Variants in OPCML observed in about 807,000 individuals in gnomAD.
OPCML encodes the protein opioid-binding protein/cell adhesion molecule.
In OPCML, 13 loss-of-function variants were observed where a neutral mutation model predicts 37.8. The observed-to-expected ratio is 0.34, with a 90% CI of 0.22 to 0.55. The LOEUF (loss-of-function observed/expected upper bound fraction) is 0.55. Ranked by LOEUF, OPCML falls within the 20% of genes least tolerant of loss-of-function variation. The probability of loss-of-function intolerance (pLI) is 0.91; values close to 1 mark genes in which losing one functional copy is unlikely to be tolerated. For missense variants in OPCML, 341 were observed against 435.6 expected (o/e 0.78, Z 1.93); for synonymous variants, 176 against 168.8 (o/e 1.04, Z -0.33).
intron 3 of OPCML, among the ~76,000 whole-genome samples, chr11:132,556,494 G>A (rs752142780): frequency 3.3e-5 from 5 of 152,110 alleles, no homozygotes; most frequent in African/African-American, 7.2e-5. Context: ...GGAAATTGGG[G>A]TCCAGAGAGA....
intron 1 of OPCML, among the ~76,000 whole-genome samples, chr11:133,313,993 TG>T (rs1339332815): frequency 6.6e-6 from 1 of 152,078 alleles, no homozygotes; most frequent in Non-Finnish European, 1.5e-5. Context: ...CCCAGCACTT[TG>T]GGAGGCCGAG....
At chr11:132,472,749 C>T (rs1470642140) in intron 4 of OPCML, among the ~76,000 whole-genome samples, 1 of 152,222 alleles carries the variant, frequency 6.6e-6, no homozygotes, top group East Asian at 1.9e-4. Context: ...CTGGGACCCA[C>T]AGTCCCCAGC....
chr11:133,521,617 C>A (rs565937023), intron 1 of OPCML, among the ~76,000 whole-genome samples: 1 of 152,306 alleles, frequency 6.6e-6, no homozygotes, highest in African/African-American at 2.4e-5. Context: ...TGGGCTTCAC[C>A]CAAAGAGGCA....
intron 4 of OPCML, among the ~76,000 whole-genome samples, chr11:132,449,287 ATTCTT>A (rs2096062916): frequency 6.6e-6 from 1 of 152,178 alleles, no homozygotes; most frequent in Admixed American, 6.5e-5. Flanking sequence ...GGGGAAATTA[ATTCTT>A]TCCTTTCCTT....
intron 4 of OPCML, among the ~76,000 whole-genome samples, chr11:132,527,008 A>T (rs2096310292): frequency 6.6e-6 from 1 of 152,144 alleles, no homozygotes; most frequent in Non-Finnish European, 1.5e-5. Flanking sequence ...TTTTTAGCTT[A>T]ACTTCCTCAG....
At chr11:132,948,796 T>C (rs1338062980) in intron 1 of OPCML, among the ~76,000 whole-genome samples, 1 of 152,218 alleles carries the variant, frequency 6.6e-6, no homozygotes, top group African/African-American at 2.4e-5. Flanking sequence ...AACTCCCATT[T>C]TCACATGATA....
chr11:133,481,581 G>A (rs944486173), intron 1 of OPCML, among the ~76,000 whole-genome samples: 1 of 152,188 alleles, frequency 6.6e-6, no homozygotes, highest in Non-Finnish European at 1.5e-5. Flanking sequence ...AAAAGATCAT[G>A]TATCTTAAAT....
chr11:132,948,067 C>T (rs1442733069), intron 1 of OPCML, among the ~76,000 whole-genome samples: 1 of 152,212 alleles, frequency 6.6e-6, no homozygotes, highest in African/African-American at 2.4e-5. Context: ...TCTCTAGCTG[C>T]CTGGCTGGTA....
intron 4 of OPCML, among the ~76,000 whole-genome samples, chr11:132,517,384 A>G (rs866343475): frequency 1.3e-5 from 2 of 152,206 alleles, no homozygotes; most frequent in African/African-American, 2.4e-5. Flanking sequence ...GTGCTCATCC[A>G]GGAGGGAAGG....
At chr11:132,643,237 G>T (rs1180657110) in intron 3 of OPCML, among the ~76,000 whole-genome samples, 3 of 152,148 alleles carry the variant, frequency 2.0e-5, no homozygotes, top group African/African-American at 4.8e-5. Context: ...AGACAATGCC[G>T]CTGCACTCCA....
At chr11:132,805,236 G>A (rs564603541) in intron 2 of OPCML, among the ~76,000 whole-genome samples, 65 of 152,168 alleles carry the variant, frequency 4.3e-4, no homozygotes, top group African/African-American at 1.5e-3. Flanking sequence ...GCAATTTTAA[G>A]AGAAGAAAAA....
At chr11:132,436,046 A>C (rs765576139) in intron 7 of OPCML, 40 bp downstream of exon 7, 16 of 1,596,406 alleles carry the variant, frequency 1.0e-5, no homozygotes, top group Non-Finnish European at 1.4e-5. Context: ...AAGCTTCCCC[A>C]TGTGGCTGAG....
intron 2 of OPCML, among the ~76,000 whole-genome samples, chr11:132,699,041 C>A (rs776011001): frequency 5.9e-5 from 9 of 151,818 alleles, no homozygotes; most frequent in Non-Finnish European, 1.2e-4. Flanking sequence ...TAATTTTTTT[C>A]ATCAATCTCT....
chr11:132,923,845 C>A (rs1035810870), intron 2 of OPCML, among the ~76,000 whole-genome samples: 2 of 147,528 alleles, frequency 1.4e-5, no homozygotes, highest in African/African-American at 5.1e-5. Context: ...CTCACCGCAA[C>A]CCCCGCCTCC....
chr11:132,654,667 G>A (rs1295191904), intron 3 of OPCML, among the ~76,000 whole-genome samples: 5 of 150,652 alleles, frequency 3.3e-5, no homozygotes, highest in African/African-American at 7.4e-5. Context: ...TCTTCCCCAA[G>A]AGAATGTCCT....
intron 1 of OPCML, among the ~76,000 whole-genome samples, chr11:133,440,774 A>G (rs1679508557): frequency 1.7e-5 from 2 of 118,170 alleles, no homozygotes; most frequent in South Asian, 4.5e-4. Flanking sequence ...ATATATATAT[A>G]TATATATCTG....
intron 2 of OPCML, among the ~76,000 whole-genome samples, chr11:132,798,797 G>C (rs1938478095): frequency 6.6e-6 from 1 of 152,208 alleles, no homozygotes; most frequent in Non-Finnish European, 1.5e-5. Context: ...AGCAGAATGG[G>C]TGTTTTGTTA....
intron 1 of OPCML, among the ~76,000 whole-genome samples, chr11:133,358,950 G>A (rs540588712): frequency 5.9e-5 from 9 of 152,054 alleles, no homozygotes; most frequent in Non-Finnish European, 1.2e-4. Context: ...ATGAGTATGT[G>A]TGTAGGTGGG....
At chr11:133,190,416 T>A (rs1938255559) in intron 1 of OPCML, among the ~76,000 whole-genome samples, 1 of 152,198 alleles carries the variant, frequency 6.6e-6, no homozygotes, top group Non-Finnish European at 1.5e-5. Flanking sequence ...TCTCTTTCCC[T>A]CCCTCCCTCT....
Sources: gnomAD v4.1 joint callset for allele counts (sites outside exome capture counted in the v4.1 genomes callset) on GRCh38, gnomAD v4.1.1 for gene constraint, MANE v1.5 for transcripts, NCBI Gene and HGNC (gene_info 2026-07-23, HGNC 2026-07-21) for gene names.